Variants in KLF17 observed in about 807,000 individuals in gnomAD.
The protein encoded by KLF17 is KLF transcription factor 17, also known as Krueppel-like factor 17.
In KLF17, 31 loss-of-function variants were observed where a neutral mutation model predicts 34.2. The ratio of observed to expected loss-of-function variants is 0.91; its 90% CI spans 0.68 to 1.22. The LOEUF is 1.22. Ranked by LOEUF, KLF17 falls within the 50% of genes most tolerant of loss-of-function variation. The pLI is 0.00. For missense variants in KLF17, 478 were observed against 505.2 expected (o/e 0.95, Z 0.52); for synonymous variants, 179 against 186.7 (o/e 0.96, Z 0.34).
chr1:44,099,742 T>G, the KLF17 span, among the ~76,000 whole-genome samples: 1 of 132,478 alleles, frequency 7.5e-6, no homozygotes, highest in African/African-American at 2.7e-5. Context: ...TGAACCCAGG[T>G]GGCGGAGGTT....
chr1:44,093,459 A>G, the KLF17 span, among the ~76,000 whole-genome samples: 1 of 152,142 alleles, frequency 6.6e-6, no homozygotes, highest in East Asian at 1.9e-4. Context: ...CAGTGGTGCG[A>G]TCTCTGCCCA....
At chr1:44,123,047 C>T (rs1389785367) in intron 1 of KLF17, among the ~76,000 whole-genome samples, 1 of 151,866 alleles carries the variant, frequency 6.6e-6, no homozygotes, top group African/African-American at 2.4e-5. Context: ...AATTTATTCA[C>T]TTCTATTAGC....
At chr1:44,110,519 C>T in the KLF17 span, 2 of 151,830 alleles carry the variant, frequency 1.3e-5, no homozygotes, top group South Asian at 2.1e-4. Context: ...GGACAAACCC[C>T]GTCTCTACTA....
chr1:44,086,162 G>A, the KLF17 span, among the ~76,000 whole-genome samples: 5 of 152,060 alleles, frequency 3.3e-5, no homozygotes, highest in Non-Finnish European at 7.4e-5. Context: ...TTGAGGGATT[G>A]TGCTTTAAAA....
At chr1:44,116,776 C>T (rs970766213), upstream of KLF17, among the ~76,000 whole-genome samples, 1 of 152,184 alleles carries the variant, frequency 6.6e-6, no homozygotes, top group African/African-American at 2.4e-5. Context: ...GTCCTGTTGT[C>T]AAACTATCTC....
upstream of KLF17, among the ~76,000 whole-genome samples, chr1:44,116,732 C>T (rs1403352925): frequency 6.6e-6 from 1 of 152,148 alleles, no homozygotes; most frequent in Non-Finnish European, 1.5e-5. Flanking sequence ...TTCTGCTGGG[C>T]CTTAAATGTA....
the KLF17 span, among the ~76,000 whole-genome samples, chr1:44,096,384 T>C: frequency 1.4e-5 from 2 of 147,266 alleles, no homozygotes; most frequent in African/African-American, 4.9e-5. Flanking sequence ...CATTGTTTTT[T>C]ATTTTTATTA....
chr1:44,088,756 G>A, the KLF17 span, among the ~76,000 whole-genome samples: 1 of 152,192 alleles, frequency 6.6e-6, no homozygotes, highest in East Asian at 1.9e-4. Flanking sequence ...GAGTGAGATA[G>A]ATGAGGGCAC....
the KLF17 span, among the ~76,000 whole-genome samples, chr1:44,098,613 C>T: frequency 1.6e-4 from 23 of 144,330 alleles, no homozygotes; most frequent in Non-Finnish European, 2.7e-4. Flanking sequence ...TGCAGTGGCA[C>T]GATCTCGGCT....
At chr1:44,092,016 A>G in the KLF17 span, among the ~76,000 whole-genome samples, 2 of 146,954 alleles carry the variant, frequency 1.4e-5, no homozygotes, top group Admixed American at 6.9e-5. Flanking sequence ...CCCAAATTTA[A>G]AAAGAACTAC....
chr1:44,065,051 G>T, the KLF17 span, among the ~76,000 whole-genome samples: 103 of 152,222 alleles, frequency 6.8e-4, no homozygotes, highest in African/African-American at 2.4e-3. Context: ...CACTTTGGGA[G>T]GCTGAGGCGG....
chr1:44,115,080 C>T (rs1447625345), upstream of KLF17: 1 of 152,158 alleles, frequency 6.6e-6, no homozygotes, highest in Non-Finnish European at 1.5e-5. Context: ...TCAGTGATGA[C>T]AAAGACAAAC....
At chr1:44,096,461 C>T in the KLF17 span, among the ~76,000 whole-genome samples, 7 of 149,894 alleles carry the variant, frequency 4.7e-5, no homozygotes, top group Admixed American at 6.6e-5. Flanking sequence ...TGCAGTGGCG[C>T]GATCTCGACT....
chr1:44,102,608 AC>A, the KLF17 span, among the ~76,000 whole-genome samples: 1 of 135,526 alleles, frequency 7.4e-6, no homozygotes, highest in African/African-American at 2.6e-5. Context: ...ACACACACAC[AC>A]ACACAGAAAA....
chr1:44,122,355 A>G (rs559580242), intron 1 of KLF17: 1 of 1,608,052 alleles, frequency 6.2e-7, no homozygotes, highest in African/African-American at 1.3e-5. Flanking sequence ...TTCCAGCTGT[A>G]CAGGTTCTCT....
chr1:44,112,879 C>T, the KLF17 span, among the ~76,000 whole-genome samples: 249 of 152,294 alleles, frequency 1.6e-3, 1 homozygote, highest in Non-Finnish European at 2.4e-3. Context: ...CAAAGGGTTC[C>T]TAATTATCTC....
the KLF17 span, among the ~76,000 whole-genome samples, chr1:44,092,132 C>A: frequency 1.3e-5 from 2 of 151,510 alleles, no homozygotes; most frequent in Non-Finnish European, 2.9e-5. Flanking sequence ...CACCTGAGGT[C>A]GGGGGTTCGA....
the KLF17 span, among the ~76,000 whole-genome samples, chr1:44,068,181 T>C: frequency 2.6e-5 from 4 of 152,250 alleles, no homozygotes; most frequent in South Asian, 8.3e-4. Context: ...CATGTCACCA[T>C]GCCTGGGTAA....
At chr1:44,103,807 G>A in the KLF17 span, 1 of 854,706 alleles carries the variant, frequency 1.2e-6, no homozygotes. Flanking sequence ...TGGCCTTTGA[G>A]GCACTCAGTC....
Sources: gnomAD v4.1 joint callset for allele counts (sites outside exome capture counted in the v4.1 genomes callset) on GRCh38, gnomAD v4.1.1 for gene constraint, MANE v1.5 for transcripts, NCBI Gene and HGNC (gene_info 2026-07-23, HGNC 2026-07-21) for gene names.